Variants in CAPS2 observed in about 807,000 individuals in gnomAD.
CAPS2 encodes calcyphosine 2, also known as calcyphosin-2.
Under a neutral mutation model 86.5 loss-of-function variants are expected in CAPS2, and 98 were observed. The observed-to-expected ratio is 1.13, with a 90% CI of 0.96 to 1.34. The LOEUF (loss-of-function observed/expected upper bound fraction) is 1.34, where lower values mean the gene tolerates loss of function less well. CAPS2 is among the 40% of genes most tolerant of loss of function. The pLI is 0.00. For missense variants in CAPS2, 729 were observed against 686.8 expected (o/e 1.06, Z -0.69); for synonymous variants, 210 against 225.1 (o/e 0.93, Z 0.60).
intron 7 of CAPS2, chr12:75,305,622 C>A: frequency 1.6e-6 from 1 of 621,382 alleles, no homozygotes; most frequent in Non-Finnish European, 3.1e-6. Flanking sequence ...GACCGGAAGG[C>A]TCAGCAGCAG....
At position 75,368,161 on chromosome 12, in the gene CAPS2, T is replaced by C. The variant is rs891377292; in HGVS notation, c.-395+22677A>G. ...CAGGAGTTAAGTGATGCCCCAGTAA[T>C]ACAATATTACATTATTCTTTCATTC... is the stretch of plus-strand genomic sequence containing the variant. On this transcript the variant is annotated intron_variant, in intron 1 of 5. Transcript: ENST00000551829. 2.6e-5 allele frequency among the ~76,000 whole-genome samples: 4 copies of C among 152,034 alleles called. No homozygotes were observed. The East Asian group carries it at 7.7e-4, about 29-fold the overall frequency.
At chr12:75,313,095 C>T (rs1230334554) in intron 6 of CAPS2, among the ~76,000 whole-genome samples, 180 bp from the exon 7 acceptor site, 2 of 152,154 alleles carry the variant, frequency 1.3e-5, no homozygotes, top group Non-Finnish European at 2.9e-5. Context: ...AAATTTCAAT[C>T]ATTTAATCTA....
chr12:75,319,726 C>G (rs2040119671), intron 5 of CAPS2, among the ~76,000 whole-genome samples: 1 of 152,010 alleles, frequency 6.6e-6, no homozygotes, highest in Non-Finnish European at 1.5e-5. Context: ...TGCCCTGGAT[C>G]CTAAATATTT....
At chr12:75,319,961 C>G (rs1029239361) in intron 5 of CAPS2, among the ~76,000 whole-genome samples, 6 of 151,968 alleles carry the variant, frequency 3.9e-5, no homozygotes, top group African/African-American at 1.4e-4. Flanking sequence ...TTCCTCAAAC[C>G]CCTTAAGTAC....
At chr12:75,360,500 C>T (rs747832231) in intron 1 of CAPS2, 1 of 152,112 alleles carries the variant, frequency 6.6e-6, no homozygotes, top group East Asian at 1.9e-4. Context: ...TGCACAAGTC[C>T]AAAATCCAGT....
At chr12:75,339,688 T>A (rs781326192) in intron 1 of CAPS2, among the ~76,000 whole-genome samples, 1 of 152,222 alleles carries the variant, frequency 6.6e-6, no homozygotes, top group Non-Finnish European at 1.5e-5. Flanking sequence ...TGGTATTGCC[T>A]AGATTTTTCT....
At chr12:75,281,679 A>G (rs1256077960) in intron 16 of CAPS2, among the ~76,000 whole-genome samples, 2 of 152,054 alleles carry the variant, frequency 1.3e-5, no homozygotes, top group African/African-American at 2.4e-5. Flanking sequence ...AAGGAAATGT[A>G]AAGAGGAGAG....
chr12:75,332,807 T>TA (rs2041425548), upstream of CAPS2, among the ~76,000 whole-genome samples: 1 of 152,128 alleles, frequency 6.6e-6, no homozygotes, highest in South Asian at 2.1e-4. Flanking sequence ...AGGCAGATGT[T>TA]AAAAAAATAA....
At chr12:75,321,491 T>G (rs1367183462) in exon 5 of CAPS2, 2 of 1,546,372 alleles carry the variant, frequency 1.3e-6, no homozygotes, top group East Asian at 2.5e-5. Flanking sequence ...CTTATAGCCC[T>G]CTTTAATTTC....
At chr12:75,333,237 T>C, upstream of CAPS2, among the ~76,000 whole-genome samples, 1 of 109,952 alleles carries the variant, frequency 9.1e-6, no homozygotes, top group East Asian at 2.8e-4. Context: ...GATGTATATA[T>C]GTCTATAGGC....
intron 1 of CAPS2, among the ~76,000 whole-genome samples, chr12:75,341,032 A>G (rs2042068139): frequency 2.0e-5 from 3 of 148,100 alleles, no homozygotes; most frequent in Admixed American, 2.0e-4. Context: ...ATTTCTTACA[A>G]AAAAAAAAAG....
intron 6 of CAPS2, among the ~76,000 whole-genome samples, chr12:75,313,965 G>A (rs952212543): frequency 6.6e-6 from 1 of 152,066 alleles, no homozygotes; most frequent in Non-Finnish European, 1.5e-5. Flanking sequence ...TGTTGCCCAG[G>A]CTGGAGTGCA....
chr12:75,360,633 A>T (rs2043514130), intron 1 of CAPS2: 1 of 152,168 alleles, frequency 6.6e-6, no homozygotes. Flanking sequence ...ACAGGCTGAT[A>T]TTGAGAGCTT....
At chr12:75,314,722 A>G (rs1244487262) in intron 6 of CAPS2, among the ~76,000 whole-genome samples, 1 of 152,162 alleles carries the variant, frequency 6.6e-6, no homozygotes, top group Non-Finnish European at 1.5e-5. Context: ...ACACAGATGT[A>G]AAACCCAGAC....
chr12:75,382,052 T>C (rs111740447), intron 1 of CAPS2, among the ~76,000 whole-genome samples: 50 of 152,370 alleles, frequency 3.3e-4, no homozygotes, highest in African/African-American at 1.2e-3. Context: ...GGCTTTTATG[T>C]GTGGATCATT....
intron 1 of CAPS2, among the ~76,000 whole-genome samples, chr12:75,356,104 G>A (rs144568012): frequency 3.4e-4 from 52 of 151,904 alleles, no homozygotes; most frequent in African/African-American, 1.1e-3. Flanking sequence ...TCACAAACCT[G>A]CCCATGCTGC....
intron 2 of CAPS2, among the ~76,000 whole-genome samples, chr12:75,323,533 C>T (rs1270043658): frequency 1.3e-5 from 2 of 152,096 alleles, no homozygotes; most frequent in African/African-American, 2.4e-5. Flanking sequence ...CACCTGAGGT[C>T]GGGAGATCGA....
intron 1 of CAPS2, among the ~76,000 whole-genome samples, chr12:75,339,373 TG>T (rs1172298504): frequency 6.6e-6 from 1 of 152,200 alleles, no homozygotes; most frequent in Admixed American, 6.5e-5. Flanking sequence ...TTTTTTCATT[TG>T]TTTTTTTGGC....
At chr12:75,385,381 C>G (rs2045237273) in intron 1 of CAPS2, among the ~76,000 whole-genome samples, 2 of 151,926 alleles carry the variant, frequency 1.3e-5, no homozygotes, top group South Asian at 4.1e-4. Context: ...GCAGGAAGAG[C>G]ACTGGACAAA....
Sources: allele counts gnomAD v4.1 joint callset (sites outside exome capture counted in the v4.1 genomes callset), GRCh38; gene constraint gnomAD v4.1.1; transcripts MANE v1.5; gene names NCBI Gene and HGNC (gene_info 2026-07-23, HGNC 2026-07-21).